KTN1: variants seen among roughly 807,000 people sequenced by gnomAD.
KTN1 encodes kinectin 1, also known as kinectin.
Under a neutral mutation model 222.5 loss-of-function variants are expected in KTN1, and 130 were observed. The ratio of observed to expected loss-of-function variants is 0.58; its 90% CI spans 0.51 to 0.68. The LOEUF is 0.68. KTN1 is among the 30% of genes least tolerant of loss of function. The pLI is 0.00. For missense variants in KTN1, 1,508 were observed against 1,500.4 expected, an observed-to-expected ratio of 1.01 and a Z score of -0.08; for synonymous variants, 512 against 496.3, an observed-to-expected ratio of 1.03 and a Z score of -0.42.
At chr14:55,639,039 T>C in intron 12 of KTN1, 146 bp from the exon 13 acceptor site, 1 of 538,054 alleles carries the variant, frequency 1.9e-6, no homozygotes, top group Non-Finnish European at 3.3e-6. Flanking sequence ...TAGTTACTCT[T>C]TATTGAACAC....
intron 32 of KTN1, among the ~76,000 whole-genome samples, chr14:55,662,658 A>G (rs1423496652): frequency 1.3e-5 from 2 of 152,170 alleles, no homozygotes; most frequent in Non-Finnish European, 2.9e-5. Context: ...TGTTACTGAA[A>G]TCTAAGGGAG....
Position 55,619,239 on chromosome 14 carries a change from C to A in KTN1, c.890C>A (p.Ser297Tyr). Residue 297 changes from serine to tyrosine, a missense_variant, in exon 5 of 44, where the codon TCT becomes TAT. Coordinates refer to ENST00000395314, the MANE Select transcript of KTN1 (RefSeq NM_001079521.2). Reference sequence around the variant, plus strand: ...CTGTCCTTGAAGACTATGATGTTTTCTGAAGATGAGGCTCTTTGTGTTGTA... The same window carrying A: ...CTGTCCTTGAAGACTATGATGTTTTATGAAGATGAGGCTCTTTGTGTTGTA... ...FLLSLKTMMF[S>Y]EDEALCVVDL... The A allele has an allele frequency of 6.2e-7, 1 of 1,610,196 alleles. No homozygotes were observed. The highest frequency in any genetic ancestry group is 8.5e-7 in the Non-Finnish European group (1 of 1,176,662).
intron 28 of KTN1, among the ~76,000 whole-genome samples, chr14:55,655,008 C>A (rs1021540269): frequency 2.6e-5 from 4 of 151,934 alleles, no homozygotes; most frequent in African/African-American, 9.7e-5. Context: ...GGGACAGAGT[C>A]TTTCTCTGTG....
intron 1 of KTN1, among the ~76,000 whole-genome samples, chr14:55,588,799 A>T (rs1194886413): frequency 6.6e-6 from 1 of 152,180 alleles, no homozygotes; most frequent in African/African-American, 2.4e-5. Flanking sequence ...ATAAATTTTA[A>T]CTTTATTATT....
At chr14:55,581,422 C>T (rs184585526) in intron 1 of KTN1, among the ~76,000 whole-genome samples, 8 of 151,574 alleles carry the variant, frequency 5.3e-5, no homozygotes, top group Middle Eastern at 3.4e-3. Context: ...TAAAGAGCTA[C>T]GGTTGAAGTT....
chr14:55,676,057 ATTAG>A (rs944555429), intron 41 of KTN1, 139 bp downstream of exon 41: 36 of 550,002 alleles, frequency 6.5e-5, no homozygotes, highest in Non-Finnish European at 9.3e-5. Flanking sequence ...GCTGCTTGTT[ATTAG>A]TTAGTATTTT....
intron 5 of KTN1, among the ~76,000 whole-genome samples, chr14:55,625,261 A>C (rs2039661001): frequency 6.8e-6 from 1 of 147,530 alleles, no homozygotes. Context: ...TATAAATAGC[A>C]TATAATAACT....
rs28501641 is a variant in KTN1, at chr14:55,627,081, A to G, written c.964-831A>G. ...GGAGCATCTGAATTTGATCTTTACT[A>G]TATTTGGTGGTCTTTCCTTATATGC... On this transcript the variant is annotated intron_variant, in intron 5 of 43. Coordinates refer to ENST00000395314, the MANE Select transcript of KTN1 (RefSeq NM_001079521.2). Among the ~76,000 whole-genome samples the G allele has an allele frequency of 5.7e-3, 870 of 152,182 alleles. 7 individuals carry two copies. Among genetic ancestry groups the G allele is most frequent in the African/African-American group, 0.02 (837 of 41,528 alleles).
intron 38 of KTN1, 106 bp from the exon 39 acceptor site, chr14:55,672,823 G>A: frequency 1.9e-6 from 2 of 1,071,152 alleles, no homozygotes; most frequent in Non-Finnish European, 2.8e-6. Flanking sequence ...GGTAGTGTTT[G>A]AGTTGATATA....
chr14:55,674,496 C>A (rs982140087), intron 40 of KTN1: 2 of 152,058 alleles, frequency 1.3e-5, no homozygotes, highest in Non-Finnish European at 2.9e-5. Flanking sequence ...GTTTTATGTA[C>A]CAATGTTTTA....
chr14:55,673,689 TA>T (rs1434340298), intron 40 of KTN1: 1 of 153,318 alleles, frequency 6.5e-6, no homozygotes, highest in Non-Finnish European at 1.5e-5. Flanking sequence ...TCAAGGGCAG[TA>T]ATCTAATCCA....
intron 29 of KTN1, among the ~76,000 whole-genome samples, chr14:55,657,397 G>GTTTTTTTTTTTTTTTTTTTTTTTTTTT (rs35297700): frequency 2.9e-5 from 4 of 137,666 alleles, no homozygotes; most frequent in African/African-American, 8.2e-5. Flanking sequence ...CTGAGTTGAC[G>GTTTTTTTTTTTTTTTTTTTTTTTTTTT]TTTTTTTTTT....
At chr14:55,644,273 C>G in intron 18 of KTN1, 1 of 530,872 alleles carries the variant, frequency 1.9e-6, no homozygotes, top group Non-Finnish European at 3.5e-6. Context: ...AGTCAGAATT[C>G]CAAGTGACAG....
chr14:55,619,813 A>C (rs957130895), intron 5 of KTN1, among the ~76,000 whole-genome samples: 3 of 152,086 alleles, frequency 2.0e-5, no homozygotes, highest in Non-Finnish European at 4.4e-5. Context: ...GACACAGCCA[A>C]ACCATAACAT....
chr14:55,614,422 C>T (rs1029043822), intron 2 of KTN1, among the ~76,000 whole-genome samples: 3 of 152,096 alleles, frequency 2.0e-5, no homozygotes, highest in Non-Finnish European at 4.4e-5. Context: ...AATAACCTCA[C>T]TATATAGAGG....
At chr14:55,646,605 T>C (rs1196129770) in intron 18 of KTN1, among the ~76,000 whole-genome samples, 2 of 151,132 alleles carry the variant, frequency 1.3e-5, no homozygotes, top group Non-Finnish European at 2.9e-5. Flanking sequence ...TTCTTTCTTT[T>C]TTTTTGGACT....
intron 1 of KTN1, among the ~76,000 whole-genome samples, chr14:55,611,263 C>CTTT (rs897315974): frequency 0.016 from 1,873 of 116,016 alleles, 84 homozygotes; most frequent in African/African-American, 0.057. Context: ...ATTTTCTTGT[C>CTTT]TTTTTTTTTT....
At chr14:55,610,876 A>G (rs2037446976) in intron 1 of KTN1, among the ~76,000 whole-genome samples, 1 of 152,232 alleles carries the variant, frequency 6.6e-6, no homozygotes, top group East Asian at 1.9e-4. Context: ...TTGGTAGTCA[A>G]ATTACATCGC....
intron 9 of KTN1, among the ~76,000 whole-genome samples, chr14:55,635,219 C>A (rs1470770497): frequency 1.3e-5 from 2 of 152,038 alleles, no homozygotes; most frequent in African/African-American, 4.8e-5. Flanking sequence ...TGAATATAGG[C>A]TTGAATTTGA....
Sources: gnomAD v4.1 joint callset for allele counts (sites outside exome capture counted in the v4.1 genomes callset) on GRCh38, gnomAD v4.1.1 for gene constraint, MANE v1.5 for transcripts, NCBI Gene and HGNC (gene_info 2026-07-23, HGNC 2026-07-21) for gene names.